Variants in CLTC observed in about 807,000 individuals in gnomAD.
CLTC encodes clathrin heavy chain.
CLTC carries 16 observed loss-of-function variants against 195.8 expected under a neutral mutation model. The ratio of observed to expected loss-of-function variants is 0.08; its 90% CI spans 0.06 to 0.12. CLTC has a LOEUF of 0.12. Ranked by LOEUF, CLTC falls within the 10% of genes least tolerant of loss-of-function variation. CLTC has a pLI of 1.00. For synonymous variants in CLTC, 667 were observed against 689.4 expected (o/e 0.97, Z 0.51); for missense variants, 796 against 2,027.0 (o/e 0.39, Z 11.66).
intron 14 of CLTC, chr17:59,671,252 C>T (rs1004389904): frequency 6.6e-5 from 10 of 152,058 alleles, no homozygotes; most frequent in African/African-American, 2.4e-4. Flanking sequence ...CATGGGAGCT[C>T]AATACTAAGA....
chr17:59,692,914 A>G (rs553840601), intron 31 of CLTC, among the ~76,000 whole-genome samples: 7 of 152,320 alleles, frequency 4.6e-5, no homozygotes, highest in African/African-American at 1.7e-4. Context: ...CTGGGATTAC[A>G]GGCGTGAGCC....
intron 14 of CLTC, among the ~76,000 whole-genome samples, chr17:59,669,848 C>T (rs2032808716): frequency 6.6e-6 from 1 of 152,056 alleles, no homozygotes; most frequent in Non-Finnish European, 1.5e-5. Context: ...AGAAAGTAGG[C>T]TTTTCCTACT....
At chr17:59,667,745 G>T (rs1598228760) in intron 13 of CLTC, among the ~76,000 whole-genome samples, 1 of 152,150 alleles carries the variant, frequency 6.6e-6, no homozygotes, top group Non-Finnish European at 1.5e-5. Context: ...AACCAAAAAT[G>T]TCTTCAGACA....
At chr17:59,641,104 C>A (rs1348611484) in intron 1 of CLTC, among the ~76,000 whole-genome samples, 2 of 132,022 alleles carry the variant, frequency 1.5e-5, no homozygotes, top group Non-Finnish European at 3.4e-5. Context: ...GGTGACAGAG[C>A]GAGACTCGGT....
chr17:59,622,942 C>T (rs994784454), intron 1 of CLTC, among the ~76,000 whole-genome samples: 1 of 152,144 alleles, frequency 6.6e-6, no homozygotes, highest in African/African-American at 2.4e-5. Context: ...TTCTCTTTTC[C>T]TAGACTGTTT....
At chr17:59,658,146 T>C (rs2032519453) in intron 6 of CLTC, among the ~76,000 whole-genome samples, 1 of 152,130 alleles carries the variant, frequency 6.6e-6, no homozygotes, top group African/African-American at 2.4e-5. Flanking sequence ...GAGGTTGCTG[T>C]GAGCCAATAT....
At chr17:59,692,313 C>G (rs2033322960) in intron 31 of CLTC, among the ~76,000 whole-genome samples, 1 of 58,092 alleles carries the variant, frequency 1.7e-5, no homozygotes, top group Non-Finnish European at 3.3e-5. Flanking sequence ...GACTCCGTCT[C>G]AAAAAATAAT....
intron 1 of CLTC, among the ~76,000 whole-genome samples, chr17:59,642,253 G>T (rs1042034232): frequency 2.6e-5 from 4 of 152,106 alleles, no homozygotes; most frequent in Non-Finnish European, 5.9e-5. Flanking sequence ...AGTTAGTAGT[G>T]TCTGTGGTTT....
At chr17:59,669,737 T>TATAA (rs34143309) in intron 14 of CLTC, among the ~76,000 whole-genome samples, 85,561 of 151,476 alleles carry the variant, frequency 0.56, 27,761 homozygotes, top group Non-Finnish European at 0.74. Flanking sequence ...TATATATATA[T>TATAA]AATGATTCCT....
intron 30 of CLTC, among the ~76,000 whole-genome samples, chr17:59,688,313 A>G (rs2033228006): frequency 6.6e-6 from 1 of 152,150 alleles, no homozygotes; most frequent in South Asian, 2.1e-4. Context: ...ATACACCAAA[A>G]TAACTGACTG....
intron 18 of CLTC, among the ~76,000 whole-genome samples, chr17:59,680,617 A>G (rs1040549421): frequency 6.6e-6 from 1 of 152,196 alleles, no homozygotes; most frequent in African/African-American, 2.4e-5. Context: ...TTAATTCCAC[A>G]TCTGTGTAGC....
At chr17:59,692,890 G>A (rs568495172) in intron 31 of CLTC, among the ~76,000 whole-genome samples, 4 of 152,002 alleles carry the variant, frequency 2.6e-5, no homozygotes, top group South Asian at 4.2e-4. Flanking sequence ...CACCCTCCTC[G>A]GCCTCCCACG....
In CLTC at chr17:59,681,403, C is replaced by T. The variant is rs377514541; in HGVS notation, c.3174C>T (p.Ile1058=). ...DNYDAPDIAN[I]AISNELFEEA... ...ATGATGCCCCAGATATTGCCAATAT[C>T]GCCATCAGCAATGAGCTGTTTGAAG... is the stretch of plus-strand genomic sequence containing the variant. The change falls in exon 20 of 32, where the codon ATC becomes ATT. Residue 1058 remains isoleucine (I), a synonymous_variant. Transcript: ENST00000269122. This position sits in a 1 kb window ranked among gnomAD's most constrained non-coding sequence, Gnocchi z 5.0. 5.6e-6 allele frequency: 9 copies of T among 1,613,900 alleles called. No individual in the cohort carries two copies. Among genetic ancestry groups the T allele is most frequent in the Middle Eastern group, 1.6e-4 (1 of 6,084 alleles).
intron 1 of CLTC, among the ~76,000 whole-genome samples, chr17:59,625,236 G>A (rs1478413220): frequency 6.6e-6 from 1 of 151,622 alleles, no homozygotes; most frequent in African/African-American, 2.4e-5. Flanking sequence ...TGCCTCCCGA[G>A]TCGCTGGGAC....
At chr17:59,634,075 G>A (rs913548146) in intron 1 of CLTC, among the ~76,000 whole-genome samples, 1 of 152,024 alleles carries the variant, frequency 6.6e-6, no homozygotes, top group Non-Finnish European at 1.5e-5. Flanking sequence ...CGCCTGGACA[G>A]TTTTTTTATT....
At chr17:59,649,070 G>A (rs1043737844) in intron 4 of CLTC, among the ~76,000 whole-genome samples, 13 of 152,154 alleles carry the variant, frequency 8.5e-5, no homozygotes, top group African/African-American at 2.7e-4. Context: ...CATTGGAATC[G>A]CCTGGACAGA....
rs367879317 is a variant in CLTC at position 59,668,739 on chromosome 17, T to C, written c.2129-38T>C. On this transcript the variant is annotated intron_variant, in intron 13 of 31. Coordinates refer to ENST00000269122, the MANE Select transcript of CLTC (RefSeq NM_004859.4). ...AATGTTTTTCAGTCATTCTCAAAAG[T>C]GTGCCTATGCTTAATTGTAATTACT... 30 of 1,509,220 alleles carry C rather than the reference T, an allele frequency of 2.0e-5. No homozygotes were observed. The African/African-American group carries it at 4.0e-4, about 20-fold the overall frequency. The allele number at this position is 1,509,220 out of a possible 1,614,324, so 93.5% of individuals were successfully genotyped here. A position where few individuals can be genotyped will look rare whatever the true frequency, so the allele number is the denominator to read the frequency against.
intron 5 of CLTC, 57 bp from the exon 6 acceptor site, chr17:59,655,797 T>C: frequency 1.4e-6 from 2 of 1,395,236 alleles, no homozygotes; most frequent in Non-Finnish European, 1.9e-6. Flanking sequence ...ACTGAATGTT[T>C]TTATTTTCTG....
chr17:59,631,806 A>G (rs2143457674), intron 1 of CLTC, among the ~76,000 whole-genome samples: 1 of 152,132 alleles, frequency 6.6e-6, no homozygotes, highest in East Asian at 1.9e-4. Flanking sequence ...CCCTATCTCT[A>G]CAAAAAATAA....
Sources: allele counts gnomAD v4.1 joint callset (sites outside exome capture counted in the v4.1 genomes callset), GRCh38; gene constraint gnomAD v4.1.1; non-coding constraint Gnocchi (gnomAD v3.1); transcripts MANE v1.5; gene names NCBI Gene and HGNC (gene_info 2026-07-23, HGNC 2026-07-21).